Variants in DOK6 observed in about 807,000 individuals in gnomAD.
DOK6 encodes downstream of tyrosine kinase 6.
DOK6 carries 22 observed loss-of-function variants against 44.0 expected under a neutral mutation model. The ratio of observed to expected loss-of-function variants is 0.50; its 90% CI spans 0.36 to 0.71. DOK6 has a LOEUF of 0.71. DOK6 is among the 30% of genes least tolerant of loss of function. The pLI is 0.00. For missense variants in DOK6, 340 were observed against 416.4 expected, an observed-to-expected ratio of 0.82 and a Z score of 1.60; for synonymous variants, 166 against 145.5, an observed-to-expected ratio of 1.14 and a Z score of -1.01.
chr18:69,631,823 C>T (rs1984697245), intron 3 of DOK6, among the ~76,000 whole-genome samples: 2 of 152,322 alleles, frequency 1.3e-5, no homozygotes, highest in Admixed American at 1.3e-4. Flanking sequence ...CAAGCGCTAT[C>T]CTCTAGATTT....
chr18:69,549,778 T>G (rs945425577), intron 1 of DOK6, among the ~76,000 whole-genome samples: 11 of 151,512 alleles, frequency 7.3e-5, no homozygotes, highest in African/African-American at 2.7e-4. Flanking sequence ...CTGGAAGCAC[T>G]TATAGTCTGT....
chr18:69,700,220 T>G (rs953246412), intron 5 of DOK6, among the ~76,000 whole-genome samples: 10 of 105,968 alleles, frequency 9.4e-5, no homozygotes, highest in Admixed American at 8.8e-4. Context: ...TATATACATA[T>G]ATATATATAT....
At chr18:69,585,801 T>C (rs1983486277) in intron 2 of DOK6, among the ~76,000 whole-genome samples, 1 of 152,252 alleles carries the variant, frequency 6.6e-6, no homozygotes, top group Non-Finnish European at 1.5e-5. Flanking sequence ...ACTGATACAA[T>C]GTCATCACAT....
chr18:69,409,815 A>G (rs534401109), intron 1 of DOK6, among the ~76,000 whole-genome samples: 15 of 152,216 alleles, frequency 9.9e-5, no homozygotes, highest in Non-Finnish European at 2.1e-4. Flanking sequence ...CATGCTATGC[A>G]AAAATAAGAG....
chr18:69,718,552 G>T (rs969190379), intron 5 of DOK6, among the ~76,000 whole-genome samples: 3 of 152,138 alleles, frequency 2.0e-5, no homozygotes, highest in Non-Finnish European at 4.4e-5. Context: ...ATAAAACAGA[G>T]AAATTGTTTC....
At chr18:69,645,525 G>T (rs1229124778) in intron 3 of DOK6, among the ~76,000 whole-genome samples, 1 of 152,068 alleles carries the variant, frequency 6.6e-6, no homozygotes, top group Non-Finnish European at 1.5e-5. Flanking sequence ...TCTATTAAAA[G>T]AAAAAGATTT....
chr18:69,624,338 T>C (rs994162299), intron 3 of DOK6, among the ~76,000 whole-genome samples: 1 of 152,154 alleles, frequency 6.6e-6, no homozygotes, highest in East Asian at 1.9e-4. Context: ...ATATCTGAAG[T>C]ATTTTTAAGA....
At chr18:69,666,146 TG>T (rs1408053120) in intron 3 of DOK6, among the ~76,000 whole-genome samples, 3 of 152,224 alleles carry the variant, frequency 2.0e-5, no homozygotes. Context: ...GTGTGCAAAC[TG>T]AGCAATTCTT....
chr18:69,757,233 A>G (rs1357349857), intron 6 of DOK6, among the ~76,000 whole-genome samples: 1 of 152,192 alleles, frequency 6.6e-6, no homozygotes, highest in Non-Finnish European at 1.5e-5. Flanking sequence ...GAAAATATCC[A>G]TTGTGTAAGG....
chr18:69,811,615 T>G (rs1981241128), intron 7 of DOK6, among the ~76,000 whole-genome samples: 1 of 145,614 alleles, frequency 6.9e-6, no homozygotes, highest in Non-Finnish European at 1.5e-5. Context: ...ATATACAATT[T>G]TGGTTAACTA....
chr18:69,510,770 T>C (rs1425881102), intron 1 of DOK6, among the ~76,000 whole-genome samples: 2 of 152,190 alleles, frequency 1.3e-5, no homozygotes, highest in Non-Finnish European at 2.9e-5. Flanking sequence ...TAATAGCCAA[T>C]TGTAACTTTA....
intron 1 of DOK6, among the ~76,000 whole-genome samples, chr18:69,484,898 A>G (rs1980530780): frequency 6.6e-6 from 1 of 152,136 alleles, no homozygotes; most frequent in African/African-American, 2.4e-5. Flanking sequence ...AGAACTCTGG[A>G]AAAGACACTT....
rs907551434 is a variant in DOK6, at chr18:69,726,685, A to AT, written c.600-12272dup. ...TGTGTGTGTGTGTATATATACATAT[A>AT]TTTTTTTTCTCACAGTTCTCGTGGC... On this transcript the variant is annotated intron_variant, in intron 5 of 7. Coordinates refer to ENST00000382713, the MANE Select transcript of DOK6 (RefSeq NM_152721.6). 3.0e-5 allele frequency among the ~76,000 whole-genome samples: 3 copies of AT among 99,040 alleles called. No homozygotes were observed. The South Asian group carries it at 9.3e-4, about 31-fold the overall frequency. 65.0% of individuals were successfully genotyped at this position (99,040 alleles called of 152,430 possible).
chr18:69,430,656 A>T (rs184463246), intron 1 of DOK6, among the ~76,000 whole-genome samples: 172 of 152,170 alleles, frequency 1.1e-3, no homozygotes, highest in Admixed American at 2.7e-3. Flanking sequence ...CTTTATAGGA[A>T]TTTTTTTCCC....
intron 3 of DOK6, among the ~76,000 whole-genome samples, chr18:69,640,411 A>G (rs576064651): frequency 3.0e-4 from 45 of 152,254 alleles, no homozygotes; most frequent in African/African-American, 8.7e-4. Flanking sequence ...TGAAAGATGT[A>G]CCCTTTGCCA....
At chr18:69,751,985 G>A (rs1979195855) in intron 6 of DOK6, among the ~76,000 whole-genome samples, 1 of 152,096 alleles carries the variant, frequency 6.6e-6, no homozygotes. Flanking sequence ...TCATTCAGAA[G>A]CAAATGCTTT....
At chr18:69,663,897 T>C (rs1985591416) in intron 3 of DOK6, among the ~76,000 whole-genome samples, 1 of 152,300 alleles carries the variant, frequency 6.6e-6, no homozygotes, top group East Asian at 1.9e-4. Flanking sequence ...AGAGGACAAA[T>C]CCCATTCAAC....
At chr18:69,562,662 A>G (rs2096183061) in intron 1 of DOK6, among the ~76,000 whole-genome samples, 1 of 152,210 alleles carries the variant, frequency 6.6e-6, no homozygotes, top group Admixed American at 6.5e-5. Flanking sequence ...AGATGGATGA[A>G]AGACTTAAAT....
intron 1 of DOK6, among the ~76,000 whole-genome samples, chr18:69,439,480 T>C (rs560633355): frequency 5.0e-4 from 76 of 152,374 alleles, no homozygotes; most frequent in Non-Finnish European, 7.5e-4. Context: ...AAGGCTGTTT[T>C]ATCTAAATTT....
Sources: allele counts gnomAD v4.1 joint callset (sites outside exome capture counted in the v4.1 genomes callset), GRCh38; gene constraint gnomAD v4.1.1; transcripts MANE v1.5; gene names NCBI Gene and HGNC (gene_info 2026-07-23, HGNC 2026-07-21).